Variants in SLC16A10 observed in about 807,000 individuals in gnomAD.
SLC16A10 encodes the protein solute carrier family 16 member 10, also known as monocarboxylate transporter 10.
In SLC16A10, 27 loss-of-function variants were observed where a neutral mutation model predicts 40.0. That is an observed-to-expected ratio of 0.67 (90% CI 0.50 to 0.93). The LOEUF is 0.93. SLC16A10 is among the 40% of genes least tolerant of loss of function. The pLI, the probability that SLC16A10 is intolerant of heterozygous loss-of-function variation, is 0.00. For missense variants in SLC16A10, 529 were observed against 658.2 expected (o/e 0.80, Z 2.15); for synonymous variants, 213 against 249.8 (o/e 0.85, Z 1.39).
rs566727234 is a variant in SLC16A10 at position 111,087,942 on chromosome 6, C to G, written c.190C>G (p.Pro64Ala). ...CGCGGAGCCCCATGAGCCCCCCGAA[C>G]CCCCCGAGGGCGGCTGGGGCTGGCT... ...ATAEPHEPPE[P>A]PEGGWGWLVM... The change falls in exon 1 of 6, where the codon CCC (proline) becomes GCC (alanine). Residue 64 changes from proline (P) to alanine (A), a missense_variant. Physicochemically the swap from Pro to Ala is conservative, Grantham distance 27 (BLOSUM62 -1). Coordinates refer to ENST00000368851, the MANE Select transcript of SLC16A10 (RefSeq NM_018593.5). The G allele has an allele frequency of 7.5e-6, 12 of 1,607,264 alleles. No homozygotes were observed. Among genetic ancestry groups the G allele is most frequent in the Non-Finnish European group, 1.0e-5 (12 of 1,177,568 alleles).
At chr6:111,147,121 A>G (rs967368677) in intron 1 of SLC16A10, among the ~76,000 whole-genome samples, 1 of 152,228 alleles carries the variant, frequency 6.6e-6, no homozygotes, top group Non-Finnish European at 1.5e-5. Flanking sequence ...CTGGAATTAC[A>G]TAATGATGAT....
At chr6:111,166,923 T>C (rs1225879705) in intron 1 of SLC16A10, among the ~76,000 whole-genome samples, 1 of 152,226 alleles carries the variant, frequency 6.6e-6, no homozygotes, top group African/African-American at 2.4e-5. Context: ...GTCTCTCTGA[T>C]GTCAAACATA....
chr6:111,229,708 A>G lies in SLC16A10; in HGVS notation c.*7473A>G, dbSNP rs1302491920. ...TTGTCTTTCAGATTTAACATAAACAATAAGTACTGCGGCTGGGTCACTGTC... is the reference window on the plus strand; with the variant it reads ...TTGTCTTTCAGATTTAACATAAACAGTAAGTACTGCGGCTGGGTCACTGTC... On this transcript the variant is annotated 3_prime_UTR_variant, in exon 6 of 6. Coordinates refer to ENST00000368851, the MANE Select transcript of SLC16A10 (RefSeq NM_018593.5). 1 of 152,190 alleles carries G rather than the reference A, an allele frequency of 6.6e-6. No homozygotes were observed. The allele number at this position is 152,190 out of a possible 1,614,324, so 9.4% of individuals were successfully genotyped here. A position where few individuals can be genotyped will look rare whatever the true frequency, so the allele number is the denominator to read the frequency against.
At chr6:111,153,247 CA>C (rs1772205497) in intron 1 of SLC16A10, among the ~76,000 whole-genome samples, 1 of 152,088 alleles carries the variant, frequency 6.6e-6, no homozygotes, top group African/African-American at 2.4e-5. Context: ...ATTATAAAAG[CA>C]GCATGACCAG....
rs1771098389 is a variant in SLC16A10, at chr6:111,230,666, G to A, written c.*8431G>A. On this transcript the variant is annotated 3_prime_UTR_variant, in exon 6 of 6. Transcript: ENST00000368851. ...TCCACCAGTTTATTTTAGCCTTAAA[G>A]TTATAGCTACAACAAATTGAACCCT... is the stretch of plus-strand genomic sequence containing the variant. 6.6e-6 allele frequency: 1 copy of A among 152,156 alleles called. No individual in the cohort carries two copies. Among genetic ancestry groups the A allele is most frequent in the South Asian group, 2.1e-4 (1 of 4,826 alleles). 9.4% of individuals were successfully genotyped at this position (152,156 alleles called of 1,614,324 possible).
At chr6:111,179,612 G>T (rs1583347254) in intron 3 of SLC16A10, among the ~76,000 whole-genome samples, 1 of 152,206 alleles carries the variant, frequency 6.6e-6, no homozygotes, top group Non-Finnish European at 1.5e-5. Flanking sequence ...TTTCATAGTG[G>T]AAGGTGAGTT....
At chr6:111,193,806 A>G (rs1773035182) in intron 3 of SLC16A10, among the ~76,000 whole-genome samples, 2 of 152,266 alleles carry the variant, frequency 1.3e-5, no homozygotes, top group African/African-American at 4.8e-5. Flanking sequence ...ATTTGAAAAT[A>G]TCTAATTTTA....
intron 1 of SLC16A10, among the ~76,000 whole-genome samples, chr6:111,097,393 C>A (rs1771092858): frequency 6.6e-6 from 1 of 152,034 alleles, no homozygotes; most frequent in Admixed American, 6.5e-5. Context: ...CTCACTGCAA[C>A]CTCCGATGCC....
intron 1 of SLC16A10, among the ~76,000 whole-genome samples, chr6:111,138,086 A>C (rs1489910558): frequency 6.6e-6 from 1 of 152,222 alleles, no homozygotes; most frequent in African/African-American, 2.4e-5. Context: ...AAACCAAACC[A>C]AACCAAACCA....
At chr6:111,147,308 AATTTG>A (rs1772097399) in intron 1 of SLC16A10, among the ~76,000 whole-genome samples, 1 of 152,242 alleles carries the variant, frequency 6.6e-6, no homozygotes, top group African/African-American at 2.4e-5. Context: ...TTTATAGCCA[AATTTG>A]ATTTACTTCT....
chr6:111,177,545 A>G lies in SLC16A10; in HGVS notation c.822A>G (p.Lys274=). 6.2e-7 allele frequency: 1 copy of G among 1,613,670 alleles called. No homozygotes were observed. The highest frequency in any genetic ancestry group is 1.1e-5 in the South Asian group (1 of 91,028). Residue 274 remains lysine, a synonymous_variant, in exon 3 of 6, where the codon AAA becomes AAG. Transcript: ENST00000368851. The part of the protein sequence containing the change: ...GGSGSSLFSR[K]KFSPPKKIFN... ...GCGGATCCTCCCTCTTTTCCAGGAA[A>G]AAGTTCAGTCCTCCAAAAAAAATTT... is the stretch of plus-strand genomic sequence containing the variant.
At chr6:111,155,455 C>T (rs560788502) in intron 1 of SLC16A10, among the ~76,000 whole-genome samples, 3 of 152,186 alleles carry the variant, frequency 2.0e-5, no homozygotes, top group Admixed American at 6.6e-5. Flanking sequence ...CAGTCTTTGC[C>T]TCTCAAAGTG....
chr6:111,088,803 A>G (rs1357325080), intron 1 of SLC16A10, among the ~76,000 whole-genome samples: 1 of 149,902 alleles, frequency 6.7e-6, no homozygotes, highest in South Asian at 2.1e-4. Flanking sequence ...ATTAGATACA[A>G]AAGGTGCAGA....
chr6:111,096,085 C>T (rs1320372187), intron 1 of SLC16A10, among the ~76,000 whole-genome samples: 5 of 152,134 alleles, frequency 3.3e-5, no homozygotes, highest in African/African-American at 9.7e-5. Context: ...TTAAGAGCAG[C>T]TTTTTGGCTG....
intron 1 of SLC16A10, among the ~76,000 whole-genome samples, chr6:111,167,433 A>G (rs1426978529): frequency 6.6e-6 from 1 of 152,086 alleles, no homozygotes; most frequent in Non-Finnish European, 1.5e-5. Flanking sequence ...CCAAGTGGGT[A>G]TGCTTTCAAC....
intron 1 of SLC16A10, among the ~76,000 whole-genome samples, chr6:111,093,116 A>G (rs1771013302): frequency 6.6e-6 from 1 of 152,006 alleles, no homozygotes; most frequent in African/African-American, 2.4e-5. Flanking sequence ...ATACTGGAAA[A>G]CCCATGGAAC....
chr6:111,138,019 ACCC>A (rs1448894068), intron 1 of SLC16A10, among the ~76,000 whole-genome samples: 1 of 152,206 alleles, frequency 6.6e-6, no homozygotes, highest in Non-Finnish European at 1.5e-5. Context: ...CTCTTTGGGT[ACCC>A]TCCCTTTGTA....
At chr6:111,158,400 G>A (rs1041232100) in intron 1 of SLC16A10, among the ~76,000 whole-genome samples, 1 of 152,094 alleles carries the variant, frequency 6.6e-6, no homozygotes, top group African/African-American at 2.4e-5. Context: ...ATTGGAGGGG[G>A]AATGATTTCA....
rs1308857957 is a variant in SLC16A10 at position 111,226,937 on chromosome 6, G to A, written c.*4702G>A. The A allele has an allele frequency of 6.6e-6, 1 of 152,268 alleles. No individual in the cohort carries two copies. The highest frequency in any genetic ancestry group is 1.5e-5 in the Non-Finnish European group (1 of 68,090). 9.4% of individuals were successfully genotyped at this position (152,268 alleles called of 1,614,324 possible). A position where few individuals can be genotyped will look rare whatever the true frequency, so the allele number is the denominator to read the frequency against. ...ACCAGAGCCCAGGGTTCAAGACTCA[G>A]CCTGGGCAACATAGTGAGATTTCGT... On this transcript the variant is annotated 3_prime_UTR_variant, in exon 6 of 6. Coordinates refer to ENST00000368851, the MANE Select transcript of SLC16A10 (RefSeq NM_018593.5).
Sources: allele counts gnomAD v4.1 joint callset (sites outside exome capture counted in the v4.1 genomes callset), GRCh38; gene constraint gnomAD v4.1.1; transcripts MANE v1.5; gene names NCBI Gene and HGNC (gene_info 2026-07-23, HGNC 2026-07-21).